The following ZNRF3 variants were observed in gnomAD, a reference collection of about 807,000 sequenced individuals.
The protein encoded by ZNRF3 is zinc and ring finger 3.
A neutral mutation model predicts 72.5 loss-of-function variants in ZNRF3; 23 were observed. The observed-to-expected ratio is 0.32, with a 90% CI of 0.23 to 0.45. The LOEUF (loss-of-function observed/expected upper bound fraction) is 0.45. Among genes scored for constraint, ZNRF3 ranks in the 20% least tolerant of loss-of-function variants. The probability of loss-of-function intolerance (pLI) is 1.00; values close to 1 mark genes in which losing one functional copy is unlikely to be tolerated. For synonymous variants in ZNRF3, 610 were observed against 545.3 expected (o/e 1.12, Z -1.65); for missense variants, 1,169 against 1,272.1 (o/e 0.92, Z 1.23).
intron 1 of ZNRF3, among the ~76,000 whole-genome samples, chr22:28,977,255 CCAG>C (rs1180547953): frequency 1.3e-5 from 2 of 152,192 alleles, no homozygotes. Flanking sequence ...GCAGCAACAG[CCAG>C]CAGCTTTTTG....
At chr22:28,903,367 C>T (rs1411030131) in intron 1 of ZNRF3, among the ~76,000 whole-genome samples, 1 of 152,154 alleles carries the variant, frequency 6.6e-6, no homozygotes, top group Non-Finnish European at 1.5e-5. Flanking sequence ...CAGCCGGACG[C>T]ATGGAATGCT....
At chr22:28,925,702 G>A (rs933086560) in intron 1 of ZNRF3, among the ~76,000 whole-genome samples, 6 of 152,052 alleles carry the variant, frequency 3.9e-5, no homozygotes, top group African/African-American at 1.4e-4. Flanking sequence ...GCATGTGATG[G>A]GGTTTTTTGA....
intron 8 of ZNRF3, 56 bp downstream of exon 8, chr22:29,051,004 GT>G: frequency 6.7e-7 from 1 of 1,485,008 alleles, no homozygotes; most frequent in South Asian, 1.4e-5. Flanking sequence ...GGGTCGTCTT[GT>G]CTTCTGTCTT....
intron 2 of ZNRF3, chr22:29,031,631 A>G (rs1035747199): frequency 2.0e-6 from 2 of 985,246 alleles, no homozygotes; most frequent in African/African-American, 3.5e-5. Flanking sequence ...AAAAGTGAGG[A>G]GTAAGGATTT....
intron 6 of ZNRF3, among the ~76,000 whole-genome samples, chr22:29,047,461 C>T (rs1413478495): frequency 6.6e-6 from 1 of 152,156 alleles, no homozygotes; most frequent in Non-Finnish European, 1.5e-5. Flanking sequence ...GAAAATGTTC[C>T]ACTGCTGCAG....
Position 29,053,609 on chromosome 22 carries a change from G to T in ZNRF3, c.2798G>T (p.Ser933Ile), listed in dbSNP as rs2037248315. 2 of 1,613,566 alleles carry T rather than the reference G, an allele frequency of 1.2e-6. No homozygotes were observed. The highest frequency in any genetic ancestry group is 2.2e-5 in the South Asian group (2 of 91,032). ...GPRSHSADSS[S>I]PGA is the part of the protein sequence containing the mutation. The stretch of plus-strand genomic sequence containing the variant: ...AGATCTCACTCAGCAGACAGCAGCA[G>T]CCCGGGAGCCTGAGCTCAGGAGGAA... Residue 933 changes from serine (S) to isoleucine (I), a missense_variant, in exon 9 of 9, where the codon AGC becomes ATC. Physicochemically the swap from Ser to Ile is moderately radical, Grantham distance 142. Around this residue, in one of 2 missense-constraint regions of ZNRF3, gnomAD observed 783 missense variants for 731.4 expected, o/e 1.07. Transcript: ENST00000544604.
At position 28,993,962 on chromosome 22, in the gene ZNRF3, C is replaced by T. The variant is rs981572281; in HGVS notation, c.426+6761C>T. 3.1e-4 allele frequency among the ~76,000 whole-genome samples: 47 copies of T among 152,216 alleles called. 1 individual carries two copies. The highest frequency in any genetic ancestry group is 6.8e-3 in the Middle Eastern group (2 of 294). Reference sequence around the variant, plus strand: ...TGCTGGGATTACAGGCGTGAGCCACCGCACTCAGCCCCAAGCCTTCTAAGC... The same window carrying T: ...TGCTGGGATTACAGGCGTGAGCCACTGCACTCAGCCCCAAGCCTTCTAAGC... On this transcript the variant is annotated intron_variant, in intron 2 of 8. Transcript: ENST00000544604.
chr22:28,982,809 C>A (rs1469536624), intron 1 of ZNRF3, among the ~76,000 whole-genome samples: 1 of 152,148 alleles, frequency 6.6e-6, no homozygotes, highest in Non-Finnish European at 1.5e-5. Flanking sequence ...GAAAAGAGAA[C>A]CTCAGGGTGG....
chr22:29,042,183 A>G (rs966952357), intron 2 of ZNRF3, among the ~76,000 whole-genome samples: 9 of 152,236 alleles, frequency 5.9e-5, no homozygotes, highest in African/African-American at 1.4e-4. Flanking sequence ...CAATATTTCA[A>G]TACATACAAG....
chr22:28,986,932 C>G (rs1569271467), intron 1 of ZNRF3, 144 bp from the exon 2 acceptor site: 2 of 1,087,646 alleles, frequency 1.8e-6, no homozygotes, highest in Admixed American at 5.6e-5. Context: ...AAATAAAATT[C>G]CCCTTGGGTT....
chr22:28,946,260 A>G lies in ZNRF3; in HGVS notation c.301-40816A>G, dbSNP rs141255103. 7.8e-3 allele frequency among the ~76,000 whole-genome samples: 1,190 copies of G among 152,360 alleles called. 17 individuals are homozygous for G. The highest frequency in any genetic ancestry group is 0.028 in the African/African-American group (1,149 of 41,580). On this transcript the variant is annotated intron_variant, in intron 1 of 8. Transcript: ENST00000544604. The stretch of plus-strand genomic sequence containing the variant: ...TATTTTGTCTAAAGCTAAGGACTTA[A>G]TAGATGAACCAAGACAATGACTTTT...
chr22:29,035,627 G>C (rs1291340406), intron 2 of ZNRF3, among the ~76,000 whole-genome samples: 1 of 152,220 alleles, frequency 6.6e-6, no homozygotes, highest in Non-Finnish European at 1.5e-5. Context: ...CCAGGCTGGA[G>C]TGCAGTGGCG....
intron 1 of ZNRF3, among the ~76,000 whole-genome samples, chr22:28,893,833 G>T (rs995024185): frequency 3.3e-5 from 5 of 152,034 alleles, no homozygotes; most frequent in African/African-American, 4.8e-5. Flanking sequence ...CTAGAATTAG[G>T]TTCACTGAGT....
intron 2 of ZNRF3, 109 bp from the exon 3 acceptor site, chr22:29,042,386 G>A (rs1300946704): frequency 2.5e-6 from 2 of 814,836 alleles, no homozygotes; most frequent in South Asian, 1.6e-5. Context: ...AGTCACCTAA[G>A]TTGGTAACTG....
At chr22:28,929,022 T>A (rs2034657772) in intron 1 of ZNRF3, among the ~76,000 whole-genome samples, 1 of 152,206 alleles carries the variant, frequency 6.6e-6, no homozygotes. Flanking sequence ...TGGACAGATT[T>A]TCTTTAGTTC....
At chr22:28,900,462 T>C (rs561257628) in intron 1 of ZNRF3, among the ~76,000 whole-genome samples, 1 of 152,210 alleles carries the variant, frequency 6.6e-6, no homozygotes, top group Admixed American at 6.5e-5. Context: ...CAGTAAAATG[T>C]CTGGAAGGGA....
intron 1 of ZNRF3, among the ~76,000 whole-genome samples, chr22:28,953,060 C>T (rs2035193580): frequency 6.6e-6 from 1 of 152,154 alleles, no homozygotes; most frequent in Non-Finnish European, 1.5e-5. Context: ...TGAGATATTT[C>T]CCTACTTACT....
At position 28,975,277 on chromosome 22, in the gene ZNRF3, G is replaced by A. The variant is rs544710717; in HGVS notation, c.301-11799G>A. 3.1e-4 allele frequency among the ~76,000 whole-genome samples: 47 copies of A among 152,226 alleles called. No homozygotes were observed. In the South Asian group the frequency reaches 9.3e-3, roughly 30 times the overall value. ...CCAGCACTTTGGGAGGCCGAGGTGG[G>A]CGGATCACAAGGTCAGGAGTTCGAG... On this transcript the variant is annotated intron_variant, in intron 1 of 8. Transcript: ENST00000544604.
intron 2 of ZNRF3, chr22:29,017,945 G>T (rs1384013456): frequency 1.9e-6 from 1 of 517,102 alleles, no homozygotes; most frequent in East Asian, 5.5e-5. Flanking sequence ...GGTAATCAAG[G>T]GTCCAGGACA....
Sources: allele counts gnomAD v4.1 joint callset (sites outside exome capture counted in the v4.1 genomes callset), GRCh38; gene constraint gnomAD v4.1.1; regional missense constraint gnomAD v4.1.1; transcripts MANE v1.5; gene names NCBI Gene and HGNC (gene_info 2026-07-23, HGNC 2026-07-21).